Variants in PIEZO2 observed in about 807,000 individuals in gnomAD.
PIEZO2 encodes piezo-type mechanosensitive ion channel component 2.
A neutral mutation model predicts 337.3 loss-of-function variants in PIEZO2; 172 were observed. That is an observed-to-expected ratio of 0.51 (90% CI 0.45 to 0.58). The LOEUF (loss-of-function observed/expected upper bound fraction) is 0.58, where lower values mean the gene tolerates loss of function less well. Ranked by LOEUF, PIEZO2 falls within the 20% of genes least tolerant of loss-of-function variation. PIEZO2 has a pLI of 0.00. For synonymous variants in PIEZO2, 1,251 were observed against 1,228.5 expected (o/e 1.02, Z -0.38); for missense variants, 3,028 against 3,391.3 (o/e 0.89, Z 2.66).
chr18:10,839,230 CA>C (rs2041114176), intron 7 of PIEZO2, among the ~76,000 whole-genome samples: 1 of 152,342 alleles, frequency 6.6e-6, no homozygotes, highest in African/African-American at 2.4e-5. Flanking sequence ...CCTTATTTCT[CA>C]GACAAAATAA....
At chr18:10,714,625 A>C (rs1461210459) in intron 39 of PIEZO2, 139 bp downstream of exon 39, 1 of 914,036 alleles carries the variant, frequency 1.1e-6, no homozygotes, top group Non-Finnish European at 1.6e-6. Flanking sequence ...TGTTGTACAG[A>C]TGGCGACAGC....
chr18:10,837,447 G>A lies in PIEZO2; in HGVS notation c.917+17906C>T, dbSNP rs1164702901. 6.6e-6 allele frequency among the ~76,000 whole-genome samples: 1 copy of A among 152,108 alleles called. No homozygotes were observed. Among genetic ancestry groups the A allele is most frequent in the Non-Finnish European group, 1.5e-5 (1 of 68,030 alleles). On this transcript the variant is annotated intron_variant, in intron 7 of 55. Transcript: ENST00000674853. The surrounding 1 kb of genome is among the most constrained non-coding windows in gnomAD (Gnocchi z 4.4). ...TAGAGTGCTCCATCACGCTGGACTC[G>A]CTGGAATGGGGGTAATGAGGATGAC...
intron 3 of PIEZO2, among the ~76,000 whole-genome samples, chr18:10,959,605 C>T (rs2033680452): frequency 6.6e-6 from 1 of 152,122 alleles, no homozygotes; most frequent in African/African-American, 2.4e-5. Flanking sequence ...TATGCCAACA[C>T]CTGGTATGAA....
chr18:10,919,559 A>C (rs1453385257), intron 3 of PIEZO2, among the ~76,000 whole-genome samples: 1 of 151,704 alleles, frequency 6.6e-6, no homozygotes, highest in Non-Finnish European at 1.5e-5. Context: ...ACACCTACTC[A>C]CTCTTTGTAG....
rs142675546 is a variant in PIEZO2, at chr18:10,783,281, T to G, written c.2492+1503A>C. 1.3e-3 allele frequency among the ~76,000 whole-genome samples: 194 copies of G among 152,326 alleles called. No homozygotes were observed. Among genetic ancestry groups the G allele is most frequent in the Admixed American group, 2.3e-3 (35 of 15,292 alleles). ...CCTTGAAAAGAATGGTGAGGGCTTATAGTAAATTTAAACATGTTACATGGT... is the reference window on the plus strand; with the variant it reads ...CCTTGAAAAGAATGGTGAGGGCTTAGAGTAAATTTAAACATGTTACATGGT... On this transcript the variant is annotated intron_variant, in intron 17 of 55. Coordinates refer to ENST00000674853, the MANE Select transcript of PIEZO2 (RefSeq NM_001378183.1). The surrounding 1 kb of genome is among the most constrained non-coding windows in gnomAD (Gnocchi z 4.3).
rs986891052 is a variant in PIEZO2 at position 10,945,603 on chromosome 18, T to C, written c.286+33932A>G. ...AAATATGTATAGGAATATAAAAATG[T>C]CTAGCACCCAACAAGGTAAAATTCA... is the stretch of plus-strand genomic sequence containing the variant. On this transcript the variant is annotated intron_variant, in intron 3 of 55. Transcript: ENST00000674853. The surrounding 1 kb of genome is among the most constrained non-coding windows in gnomAD (Gnocchi z 4.0). Among the ~76,000 whole-genome samples, 1 of 152,102 alleles carries C rather than the reference T, an allele frequency of 6.6e-6. No individual in the cohort carries two copies. Among genetic ancestry groups the C allele is most frequent in the Non-Finnish European group, 1.5e-5 (1 of 68,016 alleles).
At chr18:10,975,460 AC>A (rs1288155810) in intron 3 of PIEZO2, among the ~76,000 whole-genome samples, 1 of 151,800 alleles carries the variant, frequency 6.6e-6, no homozygotes, top group Non-Finnish European at 1.5e-5. Context: ...CTATAAGAAC[AC>A]TGTTCTGGAA....
intron 49 of PIEZO2, 52 bp downstream of exon 49, chr18:10,689,603 C>A: frequency 6.2e-7 from 1 of 1,610,558 alleles, no homozygotes; most frequent in Non-Finnish European, 8.5e-7. Context: ...TTATAACCAG[C>A]CTGTATCTAA....
chr18:10,995,134 C>T (rs2035272620), intron 2 of PIEZO2, among the ~76,000 whole-genome samples: 1 of 148,840 alleles, frequency 6.7e-6, no homozygotes, highest in Admixed American at 6.7e-5. Context: ...ATGCCAACAT[C>T]TATTTTTTTT....
In PIEZO2 at chr18:10,915,528, A is replaced by G. The variant is rs147528122; in HGVS notation, c.287-4300T>C. ...ACAATTTCTAGCCATCTTTAGTCCTATTTTAAATCAAGAGTGGCATTTCCC... is the reference window on the plus strand; with the variant it reads ...ACAATTTCTAGCCATCTTTAGTCCTGTTTTAAATCAAGAGTGGCATTTCCC... On this transcript the variant is annotated intron_variant, in intron 3 of 55. Transcript: ENST00000674853. Among the ~76,000 whole-genome samples the G allele has an allele frequency of 1.0e-3, 152 of 152,282 alleles. 1 individual carries two copies. Among genetic ancestry groups the G allele is most frequent in the African/African-American group, 3.4e-3 (140 of 41,568 alleles).
chr18:10,784,424 T>A lies in PIEZO2; in HGVS notation c.2492+360A>T, dbSNP rs1290293123. Among the ~76,000 whole-genome samples, 1 of 152,216 alleles carries A rather than the reference T, an allele frequency of 6.6e-6. No homozygotes were observed. Among genetic ancestry groups the A allele is most frequent in the Non-Finnish European group, 1.5e-5 (1 of 68,040 alleles). On this transcript the variant is annotated intron_variant, in intron 17 of 55. Coordinates refer to ENST00000674853, the MANE Select transcript of PIEZO2 (RefSeq NM_001378183.1). This position sits in a 1 kb window ranked among gnomAD's most constrained non-coding sequence, Gnocchi z 4.5. Reference sequence around the variant, plus strand: ...AAGACTTCTGTACTTGTGGTTGGCATAATGGAAAAATCCTCTGAATTAGCC... The same window carrying A: ...AAGACTTCTGTACTTGTGGTTGGCAAAATGGAAAAATCCTCTGAATTAGCC...
rs1301045767 is a variant in PIEZO2, at chr18:11,080,839, T to A, written c.65-14617A>T. ...AGCCTGGCGACAGAGCAAGGCTCTG[T>A]CAATAAATAAATAAACAAACACATA... On this transcript the variant is annotated intron_variant, in intron 1 of 55. Transcript: ENST00000674853. This position sits in a 1 kb window ranked among gnomAD's most constrained non-coding sequence, Gnocchi z 5.4. Among the ~76,000 whole-genome samples, 2 of 152,010 alleles carry A rather than the reference T, an allele frequency of 1.3e-5. No homozygotes were observed. Among genetic ancestry groups the A allele is most frequent in the Non-Finnish European group, 2.9e-5 (2 of 68,010 alleles).
Position 10,758,202 on chromosome 18 carries a change from G to A in PIEZO2, c.3758-68C>T, listed in dbSNP as rs561416598. 76 of 1,452,422 alleles carry A rather than the reference G, an allele frequency of 5.2e-5. No individual in the cohort carries two copies. The African/African-American group carries it at 9.7e-4, about 19-fold the overall frequency. 90.0% of individuals were successfully genotyped at this position (1,452,422 alleles called of 1,614,324 possible). A position where few individuals can be genotyped will look rare whatever the true frequency, so the allele number is the denominator to read the frequency against. ...TCTGATTTACATAATGCAACACACA[G>A]TCATCACACAGCAACAGCCATTCCC... On this transcript the variant is annotated intron_variant, in intron 26 of 55. Transcript: ENST00000674853.
In PIEZO2 at chr18:10,726,486, G is replaced by A; in HGVS notation, c.5029+4921C>T. On this transcript the variant is annotated intron_variant, in intron 36 of 55. Transcript: ENST00000674853. The surrounding 1 kb of genome is among the most constrained non-coding windows in gnomAD (Gnocchi z 5.9). ...GAGGAGGGCCTGGCCACCCTGCACA[G>A]CGTGCTGCTCCGCAAGCAGCCGTTC... is the stretch of plus-strand genomic sequence containing the variant. The A allele has an allele frequency of 6.6e-7, 1 of 1,516,658 alleles. No homozygotes were observed. The highest frequency in any genetic ancestry group is 1.4e-5 in the African/African-American group (1 of 72,456). 94.0% of individuals were successfully genotyped at this position (1,516,658 alleles called of 1,614,324 possible). A position where few individuals can be genotyped will look rare whatever the true frequency, so the allele number is the denominator to read the frequency against.
Position 10,982,329 on chromosome 18 carries a change from AC to A in PIEZO2, c.161-2670del. Reference sequence around the variant, plus strand: ...AGGTGATAAAAGTATTTAAGAATTAACCTAAAAAAGAATGCTTAAGACCGTT... The same window carrying A: ...AGGTGATAAAAGTATTTAAGAATTAACTAAAAAAGAATGCTTAAGACCGTT... On this transcript the variant is annotated intron_variant, in intron 2 of 55. Coordinates refer to ENST00000674853, the MANE Select transcript of PIEZO2 (RefSeq NM_001378183.1). This position sits in a 1 kb window ranked among gnomAD's most constrained non-coding sequence, Gnocchi z 4.1. Among the ~76,000 whole-genome samples, 1 of 152,278 alleles carries A rather than the reference AC, an allele frequency of 6.6e-6. No individual in the cohort carries two copies. Among genetic ancestry groups the A allele is most frequent in the Non-Finnish European group, 1.5e-5 (1 of 68,008 alleles).
chr18:10,955,784 C>A (rs1235000123), intron 3 of PIEZO2, among the ~76,000 whole-genome samples: 1 of 152,096 alleles, frequency 6.6e-6, no homozygotes, highest in African/African-American at 2.4e-5. Flanking sequence ...GTAAGTATTA[C>A]CATTAGAATA....
At position 10,953,490 on chromosome 18, in the gene PIEZO2, G is replaced by A. The variant is rs2033385698; in HGVS notation, c.286+26045C>T. On this transcript the variant is annotated intron_variant, in intron 3 of 55. Coordinates refer to ENST00000674853, the MANE Select transcript of PIEZO2 (RefSeq NM_001378183.1). This position sits in a 1 kb window ranked among gnomAD's most constrained non-coding sequence, Gnocchi z 5.2. ...TAAAAAAACACTATTGTTGAAAAGTGTATTCTTTCTTCACAAAATTGAATT... is the reference window on the plus strand; with the variant it reads ...TAAAAAAACACTATTGTTGAAAAGTATATTCTTTCTTCACAAAATTGAATT... Among the ~76,000 whole-genome samples the A allele has an allele frequency of 6.6e-6, 1 of 152,102 alleles. No individual in the cohort carries two copies. The highest frequency in any genetic ancestry group is 2.1e-4 in the South Asian group (1 of 4,822).
rs1403663557 is a variant in PIEZO2 at position 10,671,210 on chromosome 18, CCT to C, written c.*315_*316del. 4.3e-6 allele frequency: 1 copy of C among 232,302 alleles called. No homozygotes were observed. Among genetic ancestry groups the C allele is most frequent in the Non-Finnish European group, 8.4e-6 (1 of 118,484 alleles). 14.4% of individuals were successfully genotyped at this position (232,302 alleles called of 1,614,324 possible). On this transcript the variant is annotated 3_prime_UTR_variant, in exon 56 of 56. Transcript: ENST00000674853. ...AACACAGGCATCTTTCTTTCTGACT[CCT>C]CTTCTGTTTCTCTTAGGGACGGGGC... is the stretch of plus-strand genomic sequence containing the variant.
rs934454179 is a variant in PIEZO2 at position 11,116,508 on chromosome 18, C to T, written c.64+32017G>A. On this transcript the variant is annotated intron_variant, in intron 1 of 55. Transcript: ENST00000674853. The surrounding 1 kb of genome is among the most constrained non-coding windows in gnomAD (Gnocchi z 5.0). ...CTGGGCGGATCACGATGTCAGGAGACAGAGACCATCCTGGCTAACACGGTG... is the reference window on the plus strand; with the variant it reads ...CTGGGCGGATCACGATGTCAGGAGATAGAGACCATCCTGGCTAACACGGTG... Among the ~76,000 whole-genome samples the T allele has an allele frequency of 6.6e-5, 10 of 151,004 alleles. No homozygotes were observed. The highest frequency in any genetic ancestry group is 1.5e-4 in the Non-Finnish European group (10 of 67,700).
Sources: allele counts gnomAD v4.1 joint callset (sites outside exome capture counted in the v4.1 genomes callset), GRCh38; gene constraint gnomAD v4.1.1; non-coding constraint Gnocchi (gnomAD v3.1); transcripts MANE v1.5; gene names NCBI Gene and HGNC (gene_info 2026-07-23, HGNC 2026-07-21).